The following POU2F2 variants were observed in gnomAD, a reference collection of about 807,000 sequenced individuals.
The protein encoded by POU2F2 is POU class 2 homeobox 2.
In POU2F2, 14 loss-of-function variants were observed where a neutral mutation model predicts 63.5. The observed-to-expected ratio is 0.22, with a 90% CI of 0.15 to 0.34. The LOEUF (loss-of-function observed/expected upper bound fraction) is 0.34, where lower values mean the gene tolerates loss of function less well. Among genes scored for constraint, POU2F2 ranks in the 10% least tolerant of loss-of-function variants. POU2F2 has a pLI of 1.00. For synonymous variants in POU2F2, 306 were observed against 348.6 expected (o/e 0.88, Z 1.36); for missense variants, 607 against 815.2 (o/e 0.74, Z 3.11).
rs2034727247 is a variant in POU2F2, at chr19:42,169,954, G to A, written c.-70+6009C>T. Among the ~76,000 whole-genome samples, 1 of 152,122 alleles carries A rather than the reference G, an allele frequency of 6.6e-6. No individual in the cohort carries two copies. Among genetic ancestry groups the A allele is most frequent in the South Asian group, 2.1e-4 (1 of 4,832 alleles). ...GTGTCAGCGAGCTCCTGTGTCACAA[G>A]GTTAATTTCTCCACAGCCAGGCAGG... On this transcript the variant is annotated intron_variant, in intron 1 of 6. Coordinates refer to the POU2F2 transcript ENST00000524801. The surrounding 1 kb of genome is among the most constrained non-coding windows in gnomAD (Gnocchi z 4.3).
intron 5 of POU2F2, among the ~76,000 whole-genome samples, chr19:42,111,785 C>T (rs1418366127): frequency 6.6e-6 from 1 of 152,180 alleles, no homozygotes; most frequent in Non-Finnish European, 1.5e-5. Context: ...TCCTACTGGG[C>T]TCTCTTTTCT....
At position 42,095,187 on chromosome 19, in the gene POU2F2, C is replaced by T; in HGVS notation, c.1197+99G>A. ...TGTCTCCAAGAGTGACTCTTCTTGT[C>T]TCTGTTCTAGGCTCTGTGGACAACC... is the stretch of plus-strand genomic sequence containing the variant. On this transcript the variant is annotated intron_variant, in intron 11 of 14. Transcript: ENST00000692977. The surrounding 1 kb of genome is among the most constrained non-coding windows in gnomAD (Gnocchi z 7.1). 3 of 1,379,912 alleles carry T rather than the reference C, an allele frequency of 2.2e-6. No homozygotes were observed. Among genetic ancestry groups the T allele is most frequent in the Non-Finnish European group, 2.9e-6 (3 of 1,036,176 alleles). The allele number at this position is 1,379,912 out of a possible 1,614,324, so 85.5% of individuals were successfully genotyped here. A position where few individuals can be genotyped will look rare whatever the true frequency, so the allele number is the denominator to read the frequency against.
At position 42,087,388 on chromosome 19, in the gene POU2F2, C is replaced by G. The variant is rs1258696739; in HGVS notation, c.*3869G>C. 4.6e-5 allele frequency: 7 copies of G among 151,948 alleles called. 1 individual carries two copies. The highest frequency in any genetic ancestry group is 1.5e-4 in the African/African-American group (6 of 41,320). 9.4% of individuals were successfully genotyped at this position (151,948 alleles called of 1,614,324 possible). ...AAGAGGTCACCCTGACTTGGCTAGTCCCTCGCCAGATCTCCCCAGGGCTTG... is the reference window on the plus strand; with the variant it reads ...AAGAGGTCACCCTGACTTGGCTAGTGCCTCGCCAGATCTCCCCAGGGCTTG... On this transcript the variant is annotated 3_prime_UTR_variant, in exon 15 of 15. Coordinates refer to ENST00000692977, the MANE Select transcript of POU2F2 (RefSeq NM_001394376.1).
chr19:42,103,241 C>A lies in POU2F2; in HGVS notation c.370-3420G>T, dbSNP rs1311318674. The stretch of plus-strand genomic sequence containing the variant: ...ATTTCATCTCCCTCACAAGGCTTAA[C>A]ACCATCTCCAGGCATCGCTCCTCCT... On this transcript the variant is annotated intron_variant, in intron 5 of 14. Coordinates refer to ENST00000692977, the MANE Select transcript of POU2F2 (RefSeq NM_001394376.1). Among the ~76,000 whole-genome samples, 3 of 152,164 alleles carry A rather than the reference C, an allele frequency of 2.0e-5. No individual in the cohort carries two copies. The East Asian group carries it at 5.8e-4, about 29-fold the overall frequency.
intron 2 of POU2F2, among the ~76,000 whole-genome samples, chr19:42,139,427 G>C (rs949096914): frequency 6.6e-6 from 1 of 152,186 alleles, no homozygotes; most frequent in Non-Finnish European, 1.5e-5. Context: ...AGTTTCCCCA[G>C]ATATATGTCT....
intron 11 of POU2F2, among the ~76,000 whole-genome samples, chr19:42,094,218 T>C (rs534610992): frequency 1.3e-5 from 2 of 152,144 alleles, no homozygotes; most frequent in African/African-American, 4.8e-5. Context: ...ATATTGTTGG[T>C]TCTGCAAAAC....
rs916144542 is a variant in POU2F2 at position 42,087,246 on chromosome 19, C to T, written c.*4011G>A. The T allele has an allele frequency of 2.6e-5, 4 of 151,420 alleles. No homozygotes were observed. Among genetic ancestry groups the T allele is most frequent in the Admixed American group, 6.6e-5 (1 of 15,206 alleles). The allele number at this position is 151,420 out of a possible 1,614,324, so 9.4% of individuals were successfully genotyped here. On this transcript the variant is annotated 3_prime_UTR_variant, in exon 15 of 15. Coordinates refer to ENST00000692977, the MANE Select transcript of POU2F2 (RefSeq NM_001394376.1). ...CCACTCAGAGACCAGTGGGGGCCCG[C>T]GTGTCTCAATCTTGCTGTCTGTCTC...
At chr19:42,138,686 G>C (rs995086608) in intron 2 of POU2F2, among the ~76,000 whole-genome samples, 1 of 151,970 alleles carries the variant, frequency 6.6e-6, no homozygotes, top group Non-Finnish European at 1.5e-5. Flanking sequence ...TTAGGATGAG[G>C]ATACATATTC....
intron 5 of POU2F2, among the ~76,000 whole-genome samples, chr19:42,106,861 A>C (rs1027652010): frequency 1.3e-5 from 2 of 151,692 alleles, no homozygotes; most frequent in African/African-American, 4.8e-5. Flanking sequence ...GAGAAGGAGA[A>C]GGAGGAGAAG....
chr19:42,104,610 C>A (rs927560937), intron 5 of POU2F2, among the ~76,000 whole-genome samples: 1 of 151,940 alleles, frequency 6.6e-6, no homozygotes, highest in Non-Finnish European at 1.5e-5. Flanking sequence ...GCTCAAGAGG[C>A]AGAACAGAGG....
intron 5 of POU2F2, among the ~76,000 whole-genome samples, chr19:42,114,639 C>T (rs894449069): frequency 6.6e-6 from 1 of 152,150 alleles, no homozygotes; most frequent in Non-Finnish European, 1.5e-5. Context: ...AAGCAGCAGC[C>T]GCGGATCATG....
rs776954787 is a variant in POU2F2 at position 42,169,746 on chromosome 19, G to A, written c.-70+6217C>T. Among the ~76,000 whole-genome samples the A allele has an allele frequency of 1.3e-5, 2 of 152,016 alleles. No homozygotes were observed. Among genetic ancestry groups the A allele is most frequent in the African/African-American group, 2.4e-5 (1 of 41,370 alleles). On this transcript the variant is annotated intron_variant, in intron 1 of 6. Transcript: ENST00000524801. This position sits in a 1 kb window ranked among gnomAD's most constrained non-coding sequence, Gnocchi z 4.3. ...GTTTGGCGAATGAGTGCGCGCACAC[G>A]TGTGTGTGTGCGTGTGTGTGTGTGT...
chr19:42,158,946 A>G, intron 2 of POU2F2, among the ~76,000 whole-genome samples: 1 of 152,172 alleles, frequency 6.6e-6, no homozygotes, highest in East Asian at 1.9e-4. Flanking sequence ...CTCTAGAGAA[A>G]TGACACATCC....
In POU2F2 at chr19:42,152,759, G is replaced by T; in HGVS notation, c.-9+7573C>A. 1 of 152,414 alleles carries T rather than the reference G, an allele frequency of 6.6e-6. No individual in the cohort carries two copies. 9.4% of individuals were successfully genotyped at this position (152,414 alleles called of 1,614,324 possible). On this transcript the variant is annotated intron_variant, in intron 2 of 6. Coordinates refer to the POU2F2 transcript ENST00000524801. This position sits in a 1 kb window ranked among gnomAD's most constrained non-coding sequence, Gnocchi z 4.1. ...GATGGGGATGGGGGCCATAGTTTCA[G>T]GTAAGGGGGCTGGGAGAAATTGAGG... is the stretch of plus-strand genomic sequence containing the variant.
At chr19:42,151,027 G>A (rs2146772133) in intron 2 of POU2F2, among the ~76,000 whole-genome samples, 1 of 152,334 alleles carries the variant, frequency 6.6e-6, no homozygotes, top group Non-Finnish European at 1.5e-5. Flanking sequence ...GGTGGGCTGA[G>A]GGCCCTGGCC....
At chr19:42,194,708 G>A (rs1462109207) in intron 1 of POU2F2, among the ~76,000 whole-genome samples, 3 of 114,812 alleles carry the variant, frequency 2.6e-5, no homozygotes, top group African/African-American at 6.8e-5. Flanking sequence ...ACAGTGAGCC[G>A]AAATCACGCC....
chr19:42,162,693 A>C lies in POU2F2; in HGVS notation c.-69-2301T>G, dbSNP rs2034574993. Among the ~76,000 whole-genome samples the C allele has an allele frequency of 6.6e-6, 1 of 152,144 alleles. No homozygotes were observed. The highest frequency in any genetic ancestry group is 1.5e-5 in the Non-Finnish European group (1 of 68,026). ...GTCCTGGGGTCAGTTTGCCATGTAC[A>C]TGGCAGACTGTGAGCTCCTTGAGGG... On this transcript the variant is annotated intron_variant, in intron 1 of 6. Transcript: ENST00000524801. The surrounding 1 kb of genome is among the most constrained non-coding windows in gnomAD (Gnocchi z 4.1).
Position 42,089,638 on chromosome 19 carries a change from C to CA in POU2F2, c.*1618dup, listed in dbSNP as rs1465323861. 3 of 151,870 alleles carry CA rather than the reference C, an allele frequency of 2.0e-5. No homozygotes were observed. Among genetic ancestry groups the CA allele is most frequent in the African/African-American group, 7.3e-5 (3 of 41,262 alleles). 9.4% of individuals were successfully genotyped at this position (151,870 alleles called of 1,614,324 possible). A position where few individuals can be genotyped will look rare whatever the true frequency, so the allele number is the denominator to read the frequency against. ...CGCCTTGGGGAACAAGGGCCTGGAC[C>CA]ACCGGTGCAGGGGCTTGGCTCCGCC... On this transcript the variant is annotated 3_prime_UTR_variant, in exon 15 of 15. Coordinates refer to ENST00000692977, the MANE Select transcript of POU2F2 (RefSeq NM_001394376.1).
At chr19:42,146,723 C>A (rs1020746935) in intron 2 of POU2F2, among the ~76,000 whole-genome samples, 38 of 152,206 alleles carry the variant, frequency 2.5e-4, no homozygotes, top group African/African-American at 7.7e-4. Context: ...CAACCAGGCA[C>A]TTTAGGGTTC....
Sources: gnomAD v4.1 joint callset for allele counts (sites outside exome capture counted in the v4.1 genomes callset) on GRCh38, gnomAD v4.1.1 for gene constraint, Gnocchi (gnomAD v3.1) non-coding constraint, MANE v1.5 for transcripts, NCBI Gene and HGNC (gene_info 2026-07-23, HGNC 2026-07-21) for gene names.